DST: variants seen among roughly 807,000 people sequenced by gnomAD.
DST encodes dystonin.
Under a neutral mutation model 875.2 loss-of-function variants are expected in DST, and 253 were observed. The ratio of observed to expected loss-of-function variants is 0.29; its 90% confidence interval spans 0.26 to 0.32. The LOEUF is 0.32. Among genes scored for constraint, DST ranks in the 10% least tolerant of loss-of-function variants. The pLI is 1.00. For missense variants in DST, 8,287 were observed against 9,111.6 expected (o/e 0.91, Z 3.68); for synonymous variants, 3,124 against 3,197.1 (o/e 0.98, Z 0.77).
intron 62 of DST, 94 bp downstream of exon 62, chr6:56,536,685 A>G: frequency 8.0e-7 from 1 of 1,253,654 alleles, no homozygotes. Context: ...ACATATTTAG[A>G]AAAGTTTGGC....
intron 9 of DST, among the ~76,000 whole-genome samples, chr6:56,673,300 G>A (rs2099111947): frequency 6.6e-6 from 1 of 151,942 alleles, no homozygotes. Flanking sequence ...AAAAGAAAAA[G>A]TTGAGCCTCT....
intron 4 of DST, among the ~76,000 whole-genome samples, chr6:56,796,716 T>C (rs1403849222): frequency 1.3e-5 from 2 of 151,562 alleles, no homozygotes; most frequent in Non-Finnish European, 2.9e-5. Flanking sequence ...ACAATCTGAT[T>C]AAAAAACTAA....
At chr6:56,925,484 T>C (rs888131459) in intron 2 of DST, among the ~76,000 whole-genome samples, 3 of 152,224 alleles carry the variant, frequency 2.0e-5, no homozygotes, top group South Asian at 2.1e-4. Flanking sequence ...GGCACCCACA[T>C]TGACTTACAG....
intron 61 of DST, among the ~76,000 whole-genome samples, chr6:56,546,386 AT>A (rs1562696085): frequency 2.2e-4 from 27 of 121,744 alleles, no homozygotes; most frequent in African/African-American, 6.1e-4. Flanking sequence ...ATATATATAT[AT>A]ATAAATGTCA....
chr6:56,513,649 C>T (rs1472219778), intron 72 of DST, among the ~76,000 whole-genome samples: 1 of 152,186 alleles, frequency 6.6e-6, no homozygotes, highest in Admixed American at 6.5e-5. Context: ...CAGGCATGAG[C>T]CACTGTGCCT....
Position 56,482,737 on chromosome 6 carries a change from G to A in DST, c.21348C>T (p.Thr7116=), listed in dbSNP as rs74722945. The A allele has an allele frequency of 3.7e-5, 60 of 1,613,724 alleles. No individual in the cohort carries two copies. In the African/African-American group the frequency reaches 5.1e-4, roughly 14 times the overall value. The change falls in exon 89 of 104, where the codon ACC becomes ACT. Residue 7116 remains threonine, a synonymous_variant. Coordinates refer to ENST00000680361, the MANE Select transcript of DST (RefSeq NM_001374736.1). ...GCTTTGATATAGAAAGTGCACACAC[G>A]GTCTCCCAGCGTGTGCTTAATTCCT... The part of the protein sequence containing the change: ...QMQELSTRWE[T]VCALSISKQT...
At chr6:56,832,729 G>A (rs1361041262) in intron 4 of DST, among the ~76,000 whole-genome samples, 1 of 151,834 alleles carries the variant, frequency 6.6e-6, no homozygotes, top group Admixed American at 6.6e-5. Flanking sequence ...TATCTACTAA[G>A]TATTTTCAAT....
At chr6:56,597,650 G>T in intron 47 of DST, 90 bp downstream of exon 47, 3 of 1,359,590 alleles carry the variant, frequency 2.2e-6, no homozygotes, top group Non-Finnish European at 3.0e-6. Context: ...TTGTCAGTAA[G>T]GTTTGAAAAG....
rs761637726 is a variant in DST at position 56,493,116 on chromosome 6, G to T, written c.20395-27C>A. 3.1e-6 allele frequency: 5 copies of T among 1,591,080 alleles called. No individual in the cohort carries two copies. The East Asian group carries it at 1.1e-4, about 36-fold the overall frequency. ...TGCAAGGACAGATTGTTTAGTATGT[G>T]ATGTTTAAGGGCCTTGGTTATTTTG... On this transcript the variant is annotated intron_variant, in intron 83 of 103. Transcript: ENST00000680361.
chr6:56,671,310 A>T (rs1284164002), intron 9 of DST, among the ~76,000 whole-genome samples: 1 of 152,214 alleles, frequency 6.6e-6, no homozygotes, highest in African/African-American at 2.4e-5. Context: ...CAAGTAGATC[A>T]GAGGTAAAAC....
At chr6:56,499,453 C>T (rs1267545899) in intron 80 of DST, among the ~76,000 whole-genome samples, 1 of 152,012 alleles carries the variant, frequency 6.6e-6, no homozygotes, top group African/African-American at 2.4e-5. Context: ...GTTTTCATGG[C>T]CAAAATATAA....
chr6:56,606,774 A>T lies in DST; in HGVS notation c.7854T>A (p.Phe2618Leu). The T allele has an allele frequency of 6.2e-7, 1 of 1,613,350 alleles. No individual in the cohort carries two copies. The highest frequency in any genetic ancestry group is 8.5e-7 in the Non-Finnish European group (1 of 1,179,582). Residue 2618 changes from phenylalanine (F) to leucine (L), a missense_variant, in exon 40 of 104, where the codon TTT becomes TTA. By Grantham distance (22) the Phe-to-Leu change is conservative (BLOSUM62 0). Coordinates refer to ENST00000680361, the MANE Select transcript of DST (RefSeq NM_001374736.1). ...SDDDFYDTPL[F>L]EDDDHDSLLL... Reference sequence around the variant, plus strand: ...GCAAAGAATCATGGTCATCATCTTCAAACAAGGGAGTATCATAAAAATCAT... The same window carrying T: ...GCAAAGAATCATGGTCATCATCTTCTAACAAGGGAGTATCATAAAAATCAT...
chr6:56,464,501 G>C lies in DST; in HGVS notation c.22759+184C>G, dbSNP rs1582062227. The C allele has an allele frequency of 1.2e-5, 7 of 604,098 alleles. No individual in the cohort carries two copies. The East Asian group carries it at 1.9e-4, about 17-fold the overall frequency. The allele number at this position is 604,098 out of a possible 1,614,324, so 37.4% of individuals were successfully genotyped here. ...TTGATCACTTATAACACCTGCATGT[G>C]TAACACAACCAAAGTCATCAAATTT... On this transcript the variant is annotated intron_variant, in intron 100 of 103. Coordinates refer to ENST00000680361, the MANE Select transcript of DST (RefSeq NM_001374736.1).
chr6:56,607,121 C>T lies in DST; in HGVS notation c.7507G>A (p.Glu2503Lys). The change falls in exon 40 of 104, where the codon GAG becomes AAG. Residue 2503 changes from glutamate to lysine, a missense_variant. Glu to Lys is a moderately conservative substitution (Grantham distance 56). Transcript: ENST00000680361. ...IAAINISLPG[E>K]QYGQKSLNMI... ...TTTAAAGATTTCTGTCCATACTGCTCTCCTGGTAAACTGATGTTAATAGCT... is the reference window on the plus strand; with the variant it reads ...TTTAAAGATTTCTGTCCATACTGCTTTCCTGGTAAACTGATGTTAATAGCT... The T allele has an allele frequency of 2.5e-6, 4 of 1,613,308 alleles. No individual in the cohort carries two copies. Among genetic ancestry groups the T allele is most frequent in the Non-Finnish European group, 3.4e-6 (4 of 1,179,598 alleles).
intron 2 of DST, among the ~76,000 whole-genome samples, chr6:56,934,557 A>AT: frequency 4.2e-5 from 3 of 70,628 alleles, no homozygotes; most frequent in African/African-American, 2.0e-4. Flanking sequence ...ATTATATATT[A>AT]TATTATATAT....
At position 56,903,838 on chromosome 6, in the gene DST, G is replaced by A. The variant is rs571232452; in HGVS notation, c.217-3217C>T. Among the ~76,000 whole-genome samples the A allele has an allele frequency of 1.5e-4, 23 of 152,186 alleles. No individual in the cohort carries two copies. In the East Asian group the frequency reaches 4.2e-3, roughly 28 times the overall value. ...ACCTTAACATTTTTTCTCCAGATCT[G>A]AGCACTGCCTCAGTTATTTCTTTTA... On this transcript the variant is annotated intron_variant, in intron 2 of 103. Coordinates refer to ENST00000680361, the MANE Select transcript of DST (RefSeq NM_001374736.1).
At chr6:56,535,085 T>A in intron 63 of DST, 37 bp downstream of exon 63, 7 of 1,603,080 alleles carry the variant, frequency 4.4e-6, no homozygotes, top group Non-Finnish European at 5.9e-6. Context: ...TATTAAGATT[T>A]AATATGAAAC....
At chr6:56,560,184 G>C in intron 58 of DST, 110 bp downstream of exon 58, 1 of 1,123,900 alleles carries the variant, frequency 8.9e-7, no homozygotes, top group Non-Finnish European at 1.2e-6. Context: ...AAACATTAAA[G>C]CAAATCCAAA....
At chr6:56,832,724 A>T (rs1299982784) in intron 4 of DST, among the ~76,000 whole-genome samples, 1 of 151,622 alleles carries the variant, frequency 6.6e-6, no homozygotes, top group African/African-American at 2.4e-5. Flanking sequence ...CTTTTTATCT[A>T]CTAAGTATTT....
Sources: allele counts gnomAD v4.1 joint callset (sites outside exome capture counted in the v4.1 genomes callset), GRCh38; gene constraint gnomAD v4.1.1; transcripts MANE v1.5; gene names NCBI Gene and HGNC (gene_info 2026-07-23, HGNC 2026-07-21).